The following SNTG1 variants were observed in gnomAD, a reference collection of about 807,000 sequenced individuals.
The protein encoded by SNTG1 is gamma-1-syntrophin.
In SNTG1, 39 loss-of-function variants were observed where a neutral mutation model predicts 74.7. The observed-to-expected ratio is 0.52, with a 90% CI of 0.40 to 0.68. The LOEUF is 0.68. Ranked by LOEUF, SNTG1 falls within the 30% of genes least tolerant of loss-of-function variation. SNTG1 has a pLI of 0.00. For synonymous variants in SNTG1, 254 were observed against 217.1 expected (o/e 1.17, Z -1.49); for missense variants, 685 against 609.5 (o/e 1.12, Z -1.30).
chr8:50,377,637 T>C (rs1389549531), intron 2 of SNTG1, among the ~76,000 whole-genome samples: 1 of 152,232 alleles, frequency 6.6e-6, no homozygotes, highest in Admixed American at 6.5e-5. Flanking sequence ...CACAAAAATG[T>C]CAAAAATCTA....
rs1424051261 is a variant in SNTG1 at position 50,402,201 on chromosome 8, A to C, written c.28-9A>C. On this transcript the variant is annotated splice_polypyrimidine_tract_variant and intron_variant, in intron 3 of 18. Transcript: ENST00000642720. ...TTTTCCTCTGTTTGTTTTTTTTTTT[A>C]ATCTGAAGACAAAGACAGGAATTTG... 1 of 1,576,324 alleles carries C rather than the reference A, an allele frequency of 6.3e-7. No homozygotes were observed. Among genetic ancestry groups the C allele is most frequent in the Non-Finnish European group, 8.5e-7 (1 of 1,169,666 alleles).
chr8:50,353,981 T>C (rs2131022045), intron 2 of SNTG1, among the ~76,000 whole-genome samples: 1 of 152,306 alleles, frequency 6.6e-6, no homozygotes, highest in East Asian at 1.9e-4. Flanking sequence ...GGCTCTCAGG[T>C]GAGGAAGAGA....
intron 1 of SNTG1, among the ~76,000 whole-genome samples, chr8:49,981,756 C>T (rs1353364824): frequency 1.3e-5 from 2 of 151,896 alleles, no homozygotes; most frequent in Admixed American, 6.6e-5. Flanking sequence ...TCCTGTTCCT[C>T]CCCAAAGGCA....
At chr8:50,760,166 A>T (rs2095594117) in intron 18 of SNTG1, among the ~76,000 whole-genome samples, 1 of 152,074 alleles carries the variant, frequency 6.6e-6, no homozygotes, top group African/African-American at 2.4e-5. Flanking sequence ...GCTTATAGGA[A>T]TGCTTGTAAT....
chr8:50,238,222 C>CA lies in SNTG1; in HGVS notation c.-28+65588dup, dbSNP rs1413888260. Among the ~76,000 whole-genome samples, 5 of 152,080 alleles carry CA rather than the reference C, an allele frequency of 3.3e-5. No individual in the cohort carries two copies. In the East Asian group the frequency reaches 9.6e-4, roughly 29 times the overall value. ...AAAAGGAACAAAACTGGAGGGATCA[C>CA]ACTACTTGACTTATAACTATACTAC... On this transcript the variant is annotated intron_variant, in intron 2 of 18. Transcript: ENST00000642720.
At chr8:50,715,652 A>G (rs2095473274) in intron 17 of SNTG1, among the ~76,000 whole-genome samples, 1 of 152,142 alleles carries the variant, frequency 6.6e-6, no homozygotes. Context: ...ATTAGCCTTA[A>G]TTGAATATAC....
At chr8:50,656,879 G>C in intron 13 of SNTG1, 30 bp from the exon 14 acceptor site, 2 of 1,417,058 alleles carry the variant, frequency 1.4e-6, no homozygotes, top group Non-Finnish European at 2.0e-6. Flanking sequence ...AAGAAGTTTT[G>C]ACAGTTGATT....
At chr8:50,000,818 A>T (rs1814675047) in intron 1 of SNTG1, among the ~76,000 whole-genome samples, 1 of 152,190 alleles carries the variant, frequency 6.6e-6, no homozygotes, top group South Asian at 2.1e-4. Context: ...ACAAGAGGTT[A>T]TCCTTCCTGT....
At chr8:50,076,174 T>C (rs203931) in intron 1 of SNTG1, among the ~76,000 whole-genome samples, 131,753 of 152,196 alleles carry the variant, frequency 0.87, 57,162 homozygotes, top group East Asian at 0.99. Flanking sequence ...AGCCAAAAGG[T>C]TGGCATTGAT....
intron 15 of SNTG1, among the ~76,000 whole-genome samples, chr8:50,684,564 TAAATTAAA>T (rs1427379205): frequency 6.6e-6 from 1 of 152,096 alleles, no homozygotes; most frequent in African/African-American, 2.4e-5. Flanking sequence ...TTAAGTATAT[TAAATTAAA>T]AATTCAAGAA....
chr8:50,674,741 T>C (rs558226079), intron 15 of SNTG1, among the ~76,000 whole-genome samples: 2 of 152,262 alleles, frequency 1.3e-5, no homozygotes, highest in South Asian at 4.1e-4. Context: ...TCTCTAGCTC[T>C]TTTAATTGTG....
chr8:49,913,360 A>G (rs1254959641), intron 1 of SNTG1, among the ~76,000 whole-genome samples: 2 of 152,260 alleles, frequency 1.3e-5, no homozygotes. Flanking sequence ...CGATAGTAAA[A>G]TGGCTCTAAT....
rs111841308 is a variant in SNTG1 at position 50,067,653 on chromosome 8, C to G, written c.-102-104908C>G. ...ACTCATGTATTATTTTTGTTAGGTA[C>G]AAACCCACAGTTGACCAACTTTCTC... On this transcript the variant is annotated intron_variant, in intron 1 of 18. Coordinates refer to ENST00000642720, the MANE Select transcript of SNTG1 (RefSeq NM_018967.5). 5.9e-5 allele frequency among the ~76,000 whole-genome samples: 9 copies of G among 152,250 alleles called. No individual in the cohort carries two copies. In the South Asian group the frequency reaches 1.2e-3, roughly 21 times the overall value.
chr8:50,462,796 C>CTTT lies in SNTG1; in HGVS notation c.363+12104_363+12106dup, dbSNP rs869119447. On this transcript the variant is annotated intron_variant, in intron 8 of 18. Transcript: ENST00000642720. ...CTCAGTCGCATCTTCAGGTTCTACT[C>CTTT]TTTTTTTTTTTTTTTTTTTTTTTTT... Among the ~76,000 whole-genome samples, 35 of 57,468 alleles carry CTTT rather than the reference C, an allele frequency of 6.1e-4. 2 individuals are homozygous for CTTT. Among genetic ancestry groups the CTTT allele is most frequent in the East Asian group, 1.2e-3 (2 of 1,684 alleles). The allele number at this position is 57,468 out of a possible 152,430, so 37.7% of individuals were successfully genotyped here.
At chr8:50,210,147 A>G (rs1377588787) in intron 2 of SNTG1, among the ~76,000 whole-genome samples, 1 of 152,196 alleles carries the variant, frequency 6.6e-6, no homozygotes, top group African/African-American at 2.4e-5. Flanking sequence ...GATCAAATGA[A>G]TGAAATGAAG....
rs139022779 is a variant in SNTG1 at position 50,664,248 on chromosome 8, G to A, written c.1038+5585G>A. ...GTACATTTTAGCATTACAGACCTCT[G>A]GTGCCTGCCAACAGGGGTGTGTTGA... is the stretch of plus-strand genomic sequence containing the variant. On this transcript the variant is annotated intron_variant, in intron 15 of 18. Transcript: ENST00000642720. Among the ~76,000 whole-genome samples the A allele has an allele frequency of 1.9e-3, 290 of 152,246 alleles. 1 individual carries two copies. The highest frequency in any genetic ancestry group is 3.9e-3 in the Admixed American group (60 of 15,286).
intron 18 of SNTG1, among the ~76,000 whole-genome samples, chr8:50,761,531 A>G (rs1328335545): frequency 3.3e-5 from 5 of 151,790 alleles, no homozygotes; most frequent in Non-Finnish European, 7.4e-5. Flanking sequence ...ATAAAACACC[A>G]GCAAGTTAGG....
chr8:50,770,367 A>C (rs892553562), intron 18 of SNTG1, among the ~76,000 whole-genome samples: 2 of 152,094 alleles, frequency 1.3e-5, no homozygotes, highest in Non-Finnish European at 2.9e-5. Flanking sequence ...AACAAGCTTC[A>C]AGTTTTGGTA....
In SNTG1 at chr8:50,235,872, C is replaced by CA. The variant is rs201059694; in HGVS notation, c.-28+63246dup. On this transcript the variant is annotated intron_variant, in intron 2 of 18. Transcript: ENST00000642720. The stretch of plus-strand genomic sequence containing the variant: ...AGCAGTTTCTCACAAAAACTTCAGC[C>CA]AAAAAAAAAGAAAAAAGAAAAAAAT... 5.2e-3 allele frequency among the ~76,000 whole-genome samples: 746 copies of CA among 143,944 alleles called. 7 individuals carry two copies. The highest frequency in any genetic ancestry group is 0.017 in the African/African-American group (655 of 39,054). 94.4% of individuals were successfully genotyped at this position (143,944 alleles called of 152,430 possible).
Sources: gnomAD v4.1 joint callset for allele counts (sites outside exome capture counted in the v4.1 genomes callset) on GRCh38, gnomAD v4.1.1 for gene constraint, MANE v1.5 for transcripts, NCBI Gene and HGNC (gene_info 2026-07-23, HGNC 2026-07-21) for gene names.